Variants in JADE2 observed in about 807,000 individuals in gnomAD.
The protein encoded by JADE2 is jade family PHD finger 2.
Under a neutral mutation model 85.7 loss-of-function variants are expected in JADE2, and 13 were observed. The ratio of observed to expected loss-of-function variants is 0.15; its 90% confidence interval spans 0.10 to 0.24. JADE2 has a LOEUF of 0.24. Among genes scored for constraint, JADE2 ranks in the 10% least tolerant of loss-of-function variants. The pLI is 1.00. For missense variants in JADE2, 846 were observed against 1,115.9 expected (o/e 0.76, Z 3.45); for synonymous variants, 440 against 456.1 (o/e 0.96, Z 0.45).
At chr5:134,563,277 C>T (rs1324277483) in intron 7 of JADE2, among the ~76,000 whole-genome samples, 1 of 151,430 alleles carries the variant, frequency 6.6e-6, no homozygotes, top group Non-Finnish European at 1.5e-5. Context: ...GAGATCGCGC[C>T]ACTGCACTCC....
In JADE2 at chr5:134,562,177, A is replaced by G; in HGVS notation, c.685-23A>G. The stretch of plus-strand genomic sequence containing the variant: ...ACAGATTGGCCAGTTCCGCTGACTC[A>G]TGACCACCCTGCTCTCTCCTAGGCA... On this transcript the variant is annotated intron_variant, in intron 6 of 11. Transcript: ENST00000681547. The surrounding 1 kb of genome is among the most constrained non-coding windows in gnomAD (Gnocchi z 4.6). 1 of 1,584,454 alleles carries G rather than the reference A, an allele frequency of 6.3e-7. No individual in the cohort carries two copies.
chr5:134,532,936 T>C (rs995225068), intron 1 of JADE2, among the ~76,000 whole-genome samples: 2 of 152,220 alleles, frequency 1.3e-5, no homozygotes, highest in Non-Finnish European at 2.9e-5. Context: ...AGCCTAGTTG[T>C]TATAACAATT....
intron 4 of JADE2, among the ~76,000 whole-genome samples, chr5:134,557,033 A>ACACAC (rs1361173660): frequency 1.9e-5 from 2 of 106,604 alleles, no homozygotes; most frequent in Non-Finnish European, 2.1e-5. Flanking sequence ...GCACATACAC[A>ACACAC]CACACCACAC....
rs545501643 is a variant in JADE2, at chr5:134,546,998, A to T, written c.154-5054A>T. 7.2e-5 allele frequency among the ~76,000 whole-genome samples: 11 copies of T among 152,322 alleles called. No individual in the cohort carries two copies. The South Asian group carries it at 2.3e-3, about 32-fold the overall frequency. ...CTTGAGATTGTATATTAAACCTTGT[A>T]GCCTGGTGTCTACTGGCCATGTGGT... On this transcript the variant is annotated intron_variant, in intron 3 of 11. Transcript: ENST00000681547.
At chr5:134,557,260 ATTTTTTTATTTT>A (rs1763019762) in intron 4 of JADE2, among the ~76,000 whole-genome samples, 2 of 27,708 alleles carry the variant, frequency 7.2e-5, no homozygotes, top group African/African-American at 1.5e-4. Context: ...TCAAGCTTTT[ATTTTTTTATTTT>A]TTTTTTTATT....
chr5:134,535,763 A>G (rs980734048), intron 1 of JADE2, 95 bp from the exon 2 acceptor site: 18 of 995,876 alleles, frequency 1.8e-5, no homozygotes, highest in East Asian at 1.2e-4. Flanking sequence ...CTGCAGTGTC[A>G]TAAGTGTGGG....
chr5:134,540,946 A>T (rs1380268423), intron 3 of JADE2, among the ~76,000 whole-genome samples: 1 of 152,142 alleles, frequency 6.6e-6, no homozygotes, highest in African/African-American at 2.4e-5. Flanking sequence ...GGGGCAGAAA[A>T]TTCCCCTGCC....
rs763998228 is a variant in JADE2 at position 134,579,188 on chromosome 5, G to A, written c.2376G>A (p.Glu792=). The change falls in exon 12 of 12, where the codon GAG becomes GAA. Residue 792 remains glutamate (E), a synonymous_variant. Transcript: ENST00000681547. This position sits in a 1 kb window ranked among gnomAD's most constrained non-coding sequence, Gnocchi z 4.6. ...RPKVSLHFDT[E]TDGYFSDGEM... ...AGGTCAGCCTGCATTTTGACACTGA[G>A]ACTGATGGCTACTTCTCTGATGGGG... The A allele has an allele frequency of 1.2e-5, 19 of 1,614,146 alleles. No homozygotes were observed. In the East Asian group the frequency reaches 3.6e-4, roughly 30 times the overall value.
In JADE2 at chr5:134,526,266, GCAA is replaced by G. The variant is rs747337158; in HGVS notation, c.-1+263_-1+265del. ...TGCGGGGAGGCTGAGAGGGGCGCAT[GCAA>G]CAACAACTTTTGGAAGGGTGAGCTT... On this transcript the variant is annotated intron_variant, in intron 1 of 11. Transcript: ENST00000681547. 1.9e-5 allele frequency: 19 copies of G among 985,432 alleles called. No homozygotes were observed. In the Admixed American group the frequency reaches 3.1e-4, roughly 16 times the overall value. The allele number at this position is 985,432 out of a possible 1,614,324, so 61.0% of individuals were successfully genotyped here.
chr5:134,566,865 C>A lies in JADE2; in HGVS notation c.1434+285C>A, dbSNP rs1184463873. On this transcript the variant is annotated intron_variant, in intron 9 of 11. Coordinates refer to ENST00000681547, the MANE Select transcript of JADE2 (RefSeq NM_001388185.1). The surrounding 1 kb of genome is among the most constrained non-coding windows in gnomAD (Gnocchi z 6.7). Reference sequence around the variant, plus strand: ...GGCCTGGTGAATGGTGGGGGCCCTGCCAAGGTCATGAGGCTGAGAGCACCA... The same window carrying A: ...GGCCTGGTGAATGGTGGGGGCCCTGACAAGGTCATGAGGCTGAGAGCACCA... Among the ~76,000 whole-genome samples, 1 of 152,224 alleles carries A rather than the reference C, an allele frequency of 6.6e-6. No individual in the cohort carries two copies. Among genetic ancestry groups the A allele is most frequent in the Non-Finnish European group, 1.5e-5 (1 of 68,040 alleles).
rs900672801 is a variant in JADE2, at chr5:134,580,731, C to T, written c.*1414C>T. On this transcript the variant is annotated 3_prime_UTR_variant, in exon 12 of 12. Transcript: ENST00000681547. ...ATAATACAGCACAGCCTGGACCTGA[C>T]AACTTGTCATTTGGACTTTTTTTTA... The T allele has an allele frequency of 6.6e-6, 1 of 152,524 alleles. No homozygotes were observed. Among genetic ancestry groups the T allele is most frequent in the African/African-American group, 2.4e-5 (1 of 41,410 alleles). The allele number at this position is 152,524 out of a possible 1,614,324, so 9.4% of individuals were successfully genotyped here.
intron 9 of JADE2, among the ~76,000 whole-genome samples, chr5:134,570,186 G>A (rs1272360505): frequency 1.3e-5 from 2 of 152,188 alleles, no homozygotes; most frequent in Middle Eastern, 3.4e-3. Context: ...AGTCCCTGCC[G>A]CACACCCCAC....
chr5:134,538,983 AG>A (rs1761778562), intron 3 of JADE2, among the ~76,000 whole-genome samples: 1 of 151,098 alleles, frequency 6.6e-6, no homozygotes, highest in African/African-American at 2.4e-5. Context: ...CAGCTTCCCG[AG>A]TAGCTGGGAT....
chr5:134,543,619 G>T (rs1762112009), intron 3 of JADE2, among the ~76,000 whole-genome samples: 1 of 152,170 alleles, frequency 6.6e-6, no homozygotes, highest in Admixed American at 6.5e-5. Flanking sequence ...GGAGGTTGCA[G>T]TGAGCCGAGA....
At chr5:134,565,221 C>G (rs991845244) in intron 8 of JADE2, among the ~76,000 whole-genome samples, 1 of 152,178 alleles carries the variant, frequency 6.6e-6, no homozygotes, top group Admixed American at 6.5e-5. Flanking sequence ...CATCCTTTGT[C>G]CCCCTCATCT....
In JADE2 at chr5:134,564,531, C is replaced by A; in HGVS notation, c.890C>A (p.Thr297Asn). 1.3e-6 allele frequency: 2 copies of A among 1,588,826 alleles called. No homozygotes were observed. Among genetic ancestry groups the A allele is most frequent in the African/African-American group, 1.3e-5 (1 of 74,754 alleles). The change falls in exon 8 of 12, where the codon ACC (threonine) becomes AAC (asparagine). Residue 297 changes from threonine (T) to asparagine (N), a missense_variant. Physicochemically the swap from Thr to Asn is moderately conservative, Grantham distance 65 (BLOSUM62 0). Around this residue, in one of 9 missense-constraint regions of JADE2, gnomAD observed 129 missense variants for 255.4 expected, o/e 0.51. Coordinates refer to ENST00000681547, the MANE Select transcript of JADE2 (RefSeq NM_001388185.1). ...IGCPEKMEPI[T>N]KISHIPASRW... is the part of the protein sequence containing the mutation. ...TGCCCAGAGAAGATGGAGCCCATCACCAAGATCTCGCATATCCCAGCCAGC... is the reference window on the plus strand; with the variant it reads ...TGCCCAGAGAAGATGGAGCCCATCAACAAGATCTCGCATATCCCAGCCAGC...
chr5:134,530,300 G>A (rs760738045), intron 1 of JADE2, among the ~76,000 whole-genome samples: 9 of 152,382 alleles, frequency 5.9e-5, no homozygotes, highest in Admixed American at 5.9e-4. Flanking sequence ...CGCCTTAGCG[G>A]TCTGCCTCAG....
chr5:134,569,978 A>C (rs988827407), intron 9 of JADE2, among the ~76,000 whole-genome samples: 3 of 152,152 alleles, frequency 2.0e-5, no homozygotes, highest in African/African-American at 7.2e-5. Context: ...CCGTGCCTGC[A>C]GTCTACTGCT....
intron 9 of JADE2, among the ~76,000 whole-genome samples, chr5:134,567,090 G>A (rs1763689646): frequency 6.6e-6 from 1 of 152,250 alleles, no homozygotes; most frequent in South Asian, 2.1e-4. Context: ...CCAGGGCAGG[G>A]TAGATGGGTA....
Sources: allele counts gnomAD v4.1 joint callset (sites outside exome capture counted in the v4.1 genomes callset), GRCh38; gene constraint gnomAD v4.1.1; regional missense constraint gnomAD v4.1.1; non-coding constraint Gnocchi (gnomAD v3.1); transcripts MANE v1.5; gene names NCBI Gene and HGNC (gene_info 2026-07-23, HGNC 2026-07-21).